Variants in HELQ observed in about 807,000 individuals in gnomAD.
HELQ encodes helicase, POLQ like, also known as helicase POLQ-like.
In HELQ, 77 loss-of-function variants were observed where a neutral mutation model predicts 111.6. The observed-to-expected ratio is 0.69, with a 90% CI of 0.57 to 0.83. The LOEUF is 0.83. Ranked by LOEUF, HELQ falls within the 40% of genes least tolerant of loss-of-function variation. HELQ has a pLI of 0.00. For synonymous variants in HELQ, 438 were observed against 454.7 expected, an observed-to-expected ratio of 0.96 and a Z score of 0.47; for missense variants, 1,200 against 1,288.5, an observed-to-expected ratio of 0.93 and a Z score of 1.05.
chr4:83,414,631 T>C (rs534446234), intron 17 of HELQ, among the ~76,000 whole-genome samples: 10 of 152,212 alleles, frequency 6.6e-5, no homozygotes, highest in Admixed American at 6.5e-4. Flanking sequence ...TATTAATGGG[T>C]TATAACCCAT....
chr4:83,416,693 C>T lies in HELQ; in HGVS notation c.3198+38G>A, dbSNP rs768840282. 5 of 1,601,642 alleles carry T rather than the reference C, an allele frequency of 3.1e-6. No individual in the cohort carries two copies. The African/African-American group carries it at 6.7e-5, about 22-fold the overall frequency. ...TATAATACAAGGAAATAACACTACG[C>T]AAGATTATTAAGGTTAAAAAATGGT... is the stretch of plus-strand genomic sequence containing the variant. On this transcript the variant is annotated intron_variant, in intron 17 of 17. Transcript: ENST00000295488.
At chr4:83,418,244 G>T (rs1322981594) in intron 15 of HELQ, 38 bp from the exon 16 acceptor site, 2 of 1,236,304 alleles carry the variant, frequency 1.6e-6, no homozygotes, top group Admixed American at 4.2e-5. Context: ...TTTAAATTTT[G>T]TAAGTTATTT....
At chr4:83,440,540 C>T (rs571127683) in intron 7 of HELQ, among the ~76,000 whole-genome samples, 4 of 152,324 alleles carry the variant, frequency 2.6e-5, no homozygotes, top group African/African-American at 9.6e-5. Flanking sequence ...TCTATTTCTT[C>T]AACTTTACTA....
chr4:83,439,914 C>G lies in HELQ; in HGVS notation c.1757G>C (p.Ser586Thr), dbSNP rs1409931289. ...PNYSCLVFCP[S>T]KKNCENVAEM... ...TGCTACATTTTCACAGTTCTTCTTA[C>G]TAGGACAAAAAACTAAGCAGGAATA... Residue 586 changes from serine to threonine, a missense_variant, in exon 8 of 18, where the codon AGT (serine) becomes ACT (threonine). Around this residue, in one of 3 missense-constraint regions of HELQ, gnomAD observed 585 missense variants for 665.3 expected, o/e 0.88. Transcript: ENST00000295488. The G allele has an allele frequency of 6.2e-7, 1 of 1,607,200 alleles. No homozygotes were observed. Among genetic ancestry groups the G allele is most frequent in the Non-Finnish European group, 8.5e-7 (1 of 1,174,554 alleles).
intron 8 of HELQ, among the ~76,000 whole-genome samples, chr4:83,438,748 GAAAA>G (rs200715200): frequency 2.9e-5 from 3 of 104,254 alleles, no homozygotes; most frequent in East Asian, 2.4e-4. Context: ...CCTGTCTCAG[GAAAA>G]AAAAAAAAAA....
At chr4:83,447,975 C>T (rs1290635597) in intron 3 of HELQ, among the ~76,000 whole-genome samples, 6 of 151,044 alleles carry the variant, frequency 4.0e-5, no homozygotes, top group Non-Finnish European at 7.4e-5. Flanking sequence ...TTTGGGGGGC[C>T]GAGGTGGGAG....
chr4:83,421,655 C>T lies in HELQ; in HGVS notation c.2857G>A (p.Val953Ile). 1 of 1,613,200 alleles carries T rather than the reference C, an allele frequency of 6.2e-7. No homozygotes were observed. The highest frequency in any genetic ancestry group is 8.5e-7 in the Non-Finnish European group (1 of 1,179,296). Residue 953 changes from valine (V) to isoleucine (I), a missense_variant, in exon 15 of 18, where the codon GTA (valine) becomes ATA (isoleucine). By Grantham distance (29) the Val-to-Ile change is conservative. Coordinates refer to ENST00000295488, the MANE Select transcript of HELQ (RefSeq NM_133636.5). ...CGAGGCATATTAAATTTTTCAGATA[C>T]AGTCCAAATGTTGGTCTCTTTGAGC... ...TLLKETNIWT[V>I]SEKFNMPRGY...
intron 15 of HELQ, among the ~76,000 whole-genome samples, chr4:83,420,412 C>T (rs1036366931): frequency 9.2e-5 from 14 of 152,012 alleles, no homozygotes; most frequent in Admixed American, 7.9e-4. Context: ...CCTGGAGGAT[C>T]GCTTCAGCCT....
In HELQ at chr4:83,418,493, T is replaced by C. The variant is rs752327617; in HGVS notation, c.2950-287A>G. Reference sequence around the variant, plus strand: ...ATCAAAATACCTGGAAGAAAATGCATAGTTTTTCTTTCCCAAGTGACTAAA... The same window carrying C: ...ATCAAAATACCTGGAAGAAAATGCACAGTTTTTCTTTCCCAAGTGACTAAA... On this transcript the variant is annotated intron_variant, in intron 15 of 17. Coordinates refer to ENST00000295488, the MANE Select transcript of HELQ (RefSeq NM_133636.5). Among the ~76,000 whole-genome samples, 6 of 152,310 alleles carry C rather than the reference T, an allele frequency of 3.9e-5. 1 individual carries two copies. The South Asian group carries it at 1.0e-3, about 26-fold the overall frequency.
chr4:83,421,492 G>T, intron 15 of HELQ, 71 bp downstream of exon 15: 1 of 1,118,016 alleles, frequency 8.9e-7, no homozygotes, highest in Non-Finnish European at 1.3e-6. Flanking sequence ...CTGACTAACT[G>T]GCTTATTAGT....
At chr4:83,416,349 T>A (rs183659997) in intron 17 of HELQ, among the ~76,000 whole-genome samples, 6 of 151,702 alleles carry the variant, frequency 4.0e-5, no homozygotes, top group Admixed American at 3.9e-4. Context: ...GTCTCCGGAG[T>A]AGCTAGAACT....
At chr4:83,439,068 T>C (rs1002859825) in intron 8 of HELQ, among the ~76,000 whole-genome samples, 2 of 152,164 alleles carry the variant, frequency 1.3e-5, no homozygotes, top group African/African-American at 4.8e-5. Flanking sequence ...TTTGTCTTTT[T>C]TTTTTCCTTT....
intron 8 of HELQ, among the ~76,000 whole-genome samples, chr4:83,438,218 T>C (rs895327287): frequency 6.6e-6 from 1 of 152,240 alleles, no homozygotes; most frequent in African/African-American, 2.4e-5. Flanking sequence ...TGAATAGTGA[T>C]ACAGCATTAG....
At chr4:83,413,411 T>C (rs372830482) in intron 17 of HELQ, among the ~76,000 whole-genome samples, 1 of 152,168 alleles carries the variant, frequency 6.6e-6, no homozygotes, top group African/African-American at 2.4e-5. Flanking sequence ...TGTTGAGTGT[T>C]GAGTGGGGGA....
rs564417598 is a variant in HELQ, at chr4:83,427,819, G to A, written c.2519-99C>T. On this transcript the variant is annotated intron_variant, in intron 12 of 17. Coordinates refer to ENST00000295488, the MANE Select transcript of HELQ (RefSeq NM_133636.5). The stretch of plus-strand genomic sequence containing the variant: ...AGAAATTGCTTAAATATAGCAAAAA[G>A]TCTTCAAAATCTCTTATAACATCTT... 4 of 777,614 alleles carry A rather than the reference G, an allele frequency of 5.1e-6. No homozygotes were observed. The East Asian group carries it at 1.3e-4, about 24-fold the overall frequency. The allele number at this position is 777,614 out of a possible 1,614,324, so 48.2% of individuals were successfully genotyped here. A position where few individuals can be genotyped will look rare whatever the true frequency, so the allele number is the denominator to read the frequency against.
intron 17 of HELQ, among the ~76,000 whole-genome samples, chr4:83,411,896 G>A (rs898186288): frequency 6.6e-6 from 1 of 152,036 alleles, no homozygotes; most frequent in South Asian, 2.1e-4. Context: ...TCCCACTCTG[G>A]TCTCTCAAAG....
At position 83,427,632 on chromosome 4, in the gene HELQ, T is replaced by G; in HGVS notation, c.2607A>C (p.Leu869=). ...GATCATAGGGGGTTGTTAGGTAGAT[T>G]AGATGAAGAAGGCTTTCAAGCACAA... ...EGLVLESLLH[L]IYLTTPYDLV... is the part of the protein sequence containing the mutation. Residue 869 remains leucine, a synonymous_variant, in exon 13 of 18, where the codon CTA becomes CTC. Transcript: ENST00000295488. The G allele has an allele frequency of 6.2e-7, 1 of 1,607,250 alleles. No homozygotes were observed. The highest frequency in any genetic ancestry group is 1.7e-4 in the Middle Eastern group (1 of 6,040).
Position 83,439,914 on chromosome 4 carries a change from CT to C in HELQ, c.1756del (p.Ser586ValfsTer8). 1 of 1,607,200 alleles carries C rather than the reference CT, an allele frequency of 6.2e-7. No homozygotes were observed. The highest frequency in any genetic ancestry group is 8.5e-7 in the Non-Finnish European group (1 of 1,174,554). ...TGCTACATTTTCACAGTTCTTCTTACTAGGACAAAAAACTAAGCAGGAATAA... is the reference window on the plus strand; with the variant it reads ...TGCTACATTTTCACAGTTCTTCTTACAGGACAAAAAACTAAGCAGGAATAA... ...PNYSCLVFCP[S>X]KKNCENVAEM... On this transcript the variant is annotated frameshift_variant, in exon 8 of 18. Transcript: ENST00000295488. LOFTEE classifies it high-confidence loss of function.
chr4:83,443,582 A>G lies in HELQ; in HGVS notation c.1498T>C (p.Leu500=). The change falls in exon 6 of 18, where the codon TTA becomes CTA. Residue 500 remains leucine (L), a synonymous_variant. Coordinates refer to ENST00000295488, the MANE Select transcript of HELQ (RefSeq NM_133636.5). ...TTTTGTAGGTCTTCAACATTGTTTA[A>G]TGTTGCACTCATACCAATAATTTGA... The part of the protein sequence containing the change: ...TTQIIGMSAT[L]NNVEDLQKFL... The G allele has an allele frequency of 6.3e-7, 1 of 1,586,972 alleles. No individual in the cohort carries two copies. Among genetic ancestry groups the G allele is most frequent in the Admixed American group, 1.7e-5 (1 of 58,584 alleles).
Sources: allele counts gnomAD v4.1 joint callset (sites outside exome capture counted in the v4.1 genomes callset), GRCh38; gene constraint gnomAD v4.1.1; regional missense constraint gnomAD v4.1.1; transcripts MANE v1.5; gene names NCBI Gene and HGNC (gene_info 2026-07-23, HGNC 2026-07-21).